SPMAP1: variants seen among roughly 807,000 people sequenced by gnomAD.
SPMAP1 encodes sperm microtubule associated protein 1, also known as uncharacterized protein C17orf98.
At chr17:38,835,351 G>A in the SPMAP1 span, 1 of 1,614,064 alleles carries the variant, frequency 6.2e-7, no homozygotes, top group Non-Finnish European at 8.5e-7. Context: ...AATGCCCTTG[G>A]GGACAAGGAG....
chr17:38,835,112 G>T, the SPMAP1 span: 1 of 1,491,814 alleles, frequency 6.7e-7, no homozygotes, highest in Non-Finnish European at 9.2e-7. Flanking sequence ...TTTTTTTAAC[G>T]TAAAATAACA....
chr17:38,837,236 T>A, the SPMAP1 span: 3 of 1,612,482 alleles, frequency 1.9e-6, no homozygotes, highest in East Asian at 6.7e-5. Flanking sequence ...TGTACCGCCA[T>A]GATCCTGAAA....
At chr17:38,838,844 G>GGAAAAC in the SPMAP1 span, among the ~76,000 whole-genome samples, 1 of 152,040 alleles carries the variant, frequency 6.6e-6, no homozygotes, top group African/African-American at 2.4e-5. Context: ...CAGCACTTTG[G>GGAAAAC]GAGGCTGAGG....
chr17:38,835,135 C>A, the SPMAP1 span: 4 of 1,579,772 alleles, frequency 2.5e-6, no homozygotes, highest in Non-Finnish European at 2.6e-6. Flanking sequence ...AAGAGTTCAT[C>A]TAAACATTTG....
At chr17:38,838,004 C>A in the SPMAP1 span, among the ~76,000 whole-genome samples, 1 of 152,124 alleles carries the variant, frequency 6.6e-6, no homozygotes, top group Non-Finnish European at 1.5e-5. Flanking sequence ...CCTGCCTCAT[C>A]CTCCTGAGTA....
At chr17:38,836,614 G>A in the SPMAP1 span, among the ~76,000 whole-genome samples, 1 of 123,074 alleles carries the variant, frequency 8.1e-6, no homozygotes, top group Non-Finnish European at 1.6e-5. Flanking sequence ...TTTTTGAGAT[G>A]GAGTCTCGCT....
At chr17:38,835,392 T>C in the SPMAP1 span, 3 of 1,604,078 alleles carry the variant, frequency 1.9e-6, no homozygotes, top group South Asian at 3.3e-5. Context: ...TCAGCCCACC[T>C]CTTGGCTTCC....
the SPMAP1 span, among the ~76,000 whole-genome samples, chr17:38,836,890 T>A: frequency 3.3e-5 from 5 of 151,914 alleles, no homozygotes; most frequent in African/African-American, 1.2e-4. Flanking sequence ...CCACTGCACC[T>A]GTCCGTGCTA....
chr17:38,841,427 G>A, the SPMAP1 span: 2 of 1,592,528 alleles, frequency 1.3e-6, no homozygotes, highest in South Asian at 1.1e-5. Flanking sequence ...TTCTGGTGGG[G>A]GATGAGGACC....
the SPMAP1 span, among the ~76,000 whole-genome samples, chr17:38,836,098 T>G: frequency 5.9e-5 from 9 of 151,942 alleles, no homozygotes; most frequent in East Asian, 1.7e-3. Flanking sequence ...GTATTTTTAG[T>G]AGAGACGGGG....
the SPMAP1 span, among the ~76,000 whole-genome samples, chr17:38,838,565 A>C: frequency 3.5e-4 from 53 of 152,164 alleles, no homozygotes; most frequent in East Asian, 8.5e-3. Context: ...GTGCCACTGC[A>C]CTCCAGCCTG....
the SPMAP1 span, among the ~76,000 whole-genome samples, chr17:38,840,169 A>T: frequency 6.6e-6 from 1 of 152,180 alleles, no homozygotes; most frequent in African/African-American, 2.4e-5. Flanking sequence ...TGTCCCTCCC[A>T]TCAGACCAAA....
At chr17:38,840,455 G>C in the SPMAP1 span, among the ~76,000 whole-genome samples, 1 of 151,886 alleles carries the variant, frequency 6.6e-6, no homozygotes, top group Non-Finnish European at 1.5e-5. Flanking sequence ...TTCAGGGCTG[G>C]AAGGCCATTC....
At chr17:38,841,274 G>A in the SPMAP1 span, 3 of 1,614,176 alleles carry the variant, frequency 1.9e-6, no homozygotes, top group South Asian at 3.3e-5. Context: ...GGGCGGAATC[G>A]CCGACCACAG....
the SPMAP1 span, chr17:38,837,152 CA>C: frequency 6.2e-7 from 1 of 1,612,674 alleles, no homozygotes; most frequent in South Asian, 1.1e-5. Context: ...TGTCCCTGCC[CA>C]ATTTCTCCTG....
At chr17:38,837,910 A>G in the SPMAP1 span, among the ~76,000 whole-genome samples, 1 of 151,992 alleles carries the variant, frequency 6.6e-6, no homozygotes, top group East Asian at 1.9e-4. Context: ...GTTTTTTGAG[A>G]CACAGTCTTA....
chr17:38,835,931 T>C, the SPMAP1 span, among the ~76,000 whole-genome samples: 1 of 151,938 alleles, frequency 6.6e-6, no homozygotes, highest in Non-Finnish European at 1.5e-5. Context: ...TTGTTTGTTT[T>C]TGAGACAGAG....
At chr17:38,835,225 G>C in the SPMAP1 span, 12 of 1,614,224 alleles carry the variant, frequency 7.4e-6, no homozygotes, top group South Asian at 1.1e-5. Context: ...CTCCGAAGAC[G>C]GACGTGCTCT....
the SPMAP1 span, chr17:38,837,273 A>C: frequency 1.6e-5 from 23 of 1,435,006 alleles, no homozygotes; most frequent in East Asian, 5.0e-4. Context: ...GGGCAAGAAC[A>C]CTGTCAGCCA....
Sources: gnomAD v4.1 joint callset for allele counts (sites outside exome capture counted in the v4.1 genomes callset) on GRCh38, gnomAD v4.1.1 for gene constraint, MANE v1.5 for transcripts, NCBI Gene and HGNC (gene_info 2026-07-23, HGNC 2026-07-21) for gene names.